Variants in C11orf65 observed in about 807,000 individuals in gnomAD.
C11orf65 encodes chromosome 11 open reading frame 65, also known as protein MFI.
C11orf65 carries 38 observed loss-of-function variants against 35.3 expected under a neutral mutation model. The observed-to-expected ratio is 1.08, with a 90% confidence interval of 0.83 to 1.41. C11orf65 has a LOEUF of 1.41. Ranked by LOEUF, C11orf65 falls within the 40% of genes most tolerant of loss-of-function variation. C11orf65 has a pLI of 0.00. For synonymous variants in C11orf65, 105 were observed against 114.4 expected (o/e 0.92, Z 0.53); for missense variants, 370 against 367.1 (o/e 1.01, Z -0.06).
intron 2 of C11orf65, among the ~76,000 whole-genome samples, chr11:108,375,947 A>G (rs933057628): frequency 2.6e-5 from 4 of 152,234 alleles, no homozygotes; most frequent in Non-Finnish European, 5.9e-5. Flanking sequence ...TATCCTACAT[A>G]TATATGCAAC....
At chr11:108,311,844 C>T (rs2084189783) in intron 6 of C11orf65, among the ~76,000 whole-genome samples, 1 of 152,096 alleles carries the variant, frequency 6.6e-6, no homozygotes, top group Non-Finnish European at 1.5e-5. Context: ...ATTGAAGTTA[C>T]TTACAGAACT....
intron 7 of C11orf65, among the ~76,000 whole-genome samples, chr11:108,389,262 A>G (rs1248229464): frequency 2.0e-5 from 3 of 152,234 alleles, no homozygotes; most frequent in Non-Finnish European, 4.4e-5. Context: ...ACGGGGAAGT[A>G]GACTGTGGAG....
At chr11:108,396,134 C>T (rs1407281699) in intron 6 of C11orf65, among the ~76,000 whole-genome samples, 2 of 152,042 alleles carry the variant, frequency 1.3e-5, no homozygotes, top group Admixed American at 6.6e-5. Flanking sequence ...GCTCCGTTAC[C>T]CAGGCTGGAG....
chr11:108,423,025 T>G (rs1255798812), intron 3 of C11orf65, among the ~76,000 whole-genome samples: 1 of 152,132 alleles, frequency 6.6e-6, no homozygotes, highest in African/African-American at 2.4e-5. Flanking sequence ...TGGAAAAGGT[T>G]ATAAAAAGCA....
intron 3 of C11orf65, chr11:108,331,753 A>G (rs1033270618): frequency 4.6e-6 from 6 of 1,303,038 alleles, no homozygotes; most frequent in African/African-American, 1.5e-5. Context: ...TCACACATGC[A>G]GGCATACACG....
chr11:108,381,946 C>CTT (rs2091874268), downstream of C11orf65, among the ~76,000 whole-genome samples: 1 of 152,142 alleles, frequency 6.6e-6, no homozygotes, highest in African/African-American at 2.4e-5. Flanking sequence ...CTCTCTCTCT[C>CTT]TCTCTCTCTC....
intron 3 of C11orf65, among the ~76,000 whole-genome samples, chr11:108,423,900 A>T (rs186789503): frequency 2.4e-3 from 359 of 152,320 alleles, no homozygotes; most frequent in African/African-American, 8.3e-3. Context: ...ACCCCATTCG[A>T]CGGTCACCAA....
At chr11:108,447,278 C>T (rs980309025) in intron 2 of C11orf65, among the ~76,000 whole-genome samples, 19 of 152,158 alleles carry the variant, frequency 1.2e-4, no homozygotes, top group East Asian at 5.8e-4. Context: ...CTGCACCAAG[C>T]GGACCTAATA....
chr11:108,329,429 C>A (rs542911289), downstream of C11orf65: 99 of 588,116 alleles, frequency 1.7e-4, no homozygotes, highest in Non-Finnish European at 2.4e-4. Flanking sequence ...TTTTTTGAGA[C>A]AAGGTCTCAC....
chr11:108,317,328 A>C (rs762480749), intron 6 of C11orf65: 2 of 1,585,130 alleles, frequency 1.3e-6, no homozygotes, highest in East Asian at 2.3e-5. Flanking sequence ...TTTTCTGTTG[A>C]TATCTTTGAT....
chr11:108,382,901 G>C lies in C11orf65; in HGVS notation c.*120C>G. 7 of 1,547,216 alleles carry C rather than the reference G, an allele frequency of 4.5e-6. No homozygotes were observed. In the South Asian group the frequency reaches 8.6e-5, roughly 19 times the overall value. On this transcript the variant is annotated 3_prime_UTR_variant, in exon 9 of 9. Transcript: ENST00000393084. The stretch of plus-strand genomic sequence containing the variant: ...TGCTCAATCTTCCTTACTTAACTGA[G>C]CTAGATTCTGTGCCCAGAATATATA...
chr11:108,334,951 T>C lies in C11orf65; in HGVS notation c.299+269A>G, dbSNP rs768522292. 6 of 1,607,034 alleles carry C rather than the reference T, an allele frequency of 3.7e-6. No homozygotes were observed. The highest frequency in any genetic ancestry group is 1.3e-5 in the African/African-American group (1 of 74,848). On this transcript the variant is annotated intron_variant, in intron 3 of 3. Transcript: ENST00000524755. Reference sequence around the variant, plus strand: ...AGTGTATCTGACCTATTATCAATCATGTTTATACTTTTATTAGGTGGACCA... The same window carrying C: ...AGTGTATCTGACCTATTATCAATCACGTTTATACTTTTATTAGGTGGACCA...
At chr11:108,361,832 T>A (rs375439612) in intron 2 of C11orf65, among the ~76,000 whole-genome samples, 20 of 151,746 alleles carry the variant, frequency 1.3e-4, no homozygotes, top group South Asian at 6.2e-4. Context: ...TTAGACCTAA[T>A]ACCATAAAAA....
At chr11:108,451,150 C>CT (rs1332719007) in intron 2 of C11orf65, among the ~76,000 whole-genome samples, 96 of 151,714 alleles carry the variant, frequency 6.3e-4, no homozygotes, top group Middle Eastern at 3.4e-3. Context: ...GTTGGAAGTT[C>CT]GGGCAGGGCA....
Position 108,365,082 on chromosome 11 carries a change from G to T in C11orf65, c.226+28126C>A, listed in dbSNP as rs1555151205. ...TAATACATATGTTCTCTCTGTTTAGGTCCTTCTATATGATCCACTCTTTGA... is the reference window on the plus strand; with the variant it reads ...TAATACATATGTTCTCTCTGTTTAGTTCCTTCTATATGATCCACTCTTTGA... On this transcript the variant is annotated intron_variant, in intron 2 of 3. Coordinates refer to the C11orf65 transcript ENST00000524755. 1 of 1,613,878 alleles carries T rather than the reference G, an allele frequency of 6.2e-7. No homozygotes were observed. Among genetic ancestry groups the T allele is most frequent in the Non-Finnish European group, 8.5e-7 (1 of 1,179,866 alleles).
rs1467136967 is a variant in C11orf65, at chr11:108,395,690, G to A, written c.561-2312C>T. On this transcript the variant is annotated intron_variant, in intron 6 of 8. Coordinates refer to ENST00000393084, the MANE Select transcript of C11orf65 (RefSeq NM_152587.5). ...GGCTGGAGTGCAGTGGCGCCATCTC[G>A]GCTCACTGCAAGCTCCGCCTCCCGG... Among the ~76,000 whole-genome samples, 10 of 137,340 alleles carry A rather than the reference G, an allele frequency of 7.3e-5. No individual in the cohort carries two copies. The East Asian group carries it at 1.3e-3, about 18-fold the overall frequency. The allele number at this position is 137,340 out of a possible 152,430, so 90.1% of individuals were successfully genotyped here.
rs372013651 is a variant in C11orf65 at position 108,356,284 on chromosome 11, C to A, written c.227-20992G>T. Among the ~76,000 whole-genome samples, 6 of 152,074 alleles carry A rather than the reference C, an allele frequency of 3.9e-5. No homozygotes were observed. In the East Asian group the frequency reaches 1.2e-3, roughly 29 times the overall value. On this transcript the variant is annotated intron_variant, in intron 2 of 3. Coordinates refer to the C11orf65 transcript ENST00000524755. ...GGCGCGGTGGCTCATGCCTGTAATC[C>A]CAGCACTTTGAGAGGCCGAGACAGG...
chr11:108,451,329 G>A (rs970364439), intron 2 of C11orf65, among the ~76,000 whole-genome samples: 8 of 151,954 alleles, frequency 5.3e-5, no homozygotes, highest in Middle Eastern at 3.2e-3. Flanking sequence ...CAAAATCAAT[G>A]TGCAAAAATC....
intron 2 of C11orf65, among the ~76,000 whole-genome samples, chr11:108,440,822 A>G (rs901264598): frequency 3.3e-5 from 5 of 152,194 alleles, no homozygotes; most frequent in Non-Finnish European, 5.9e-5. Context: ...AATAGCCTAG[A>G]TGAAAGGGAA....
Sources: allele counts gnomAD v4.1 joint callset (sites outside exome capture counted in the v4.1 genomes callset), GRCh38; gene constraint gnomAD v4.1.1; transcripts MANE v1.5; gene names NCBI Gene and HGNC (gene_info 2026-07-23, HGNC 2026-07-21).